NFKB1: variants seen among roughly 807,000 people sequenced by gnomAD.
NFKB1 encodes the protein nuclear factor kappa B subunit 1, also known as nuclear factor NF-kappa-B p105 subunit.
Under a neutral mutation model 105.1 loss-of-function variants are expected in NFKB1, and 9 were observed. The observed-to-expected ratio is 0.09, with a 90% CI of 0.05 to 0.15. The LOEUF (loss-of-function observed/expected upper bound fraction) is 0.15. Ranked by LOEUF, NFKB1 falls within the 10% of genes least tolerant of loss-of-function variation. The pLI is 1.00. For missense variants in NFKB1, 830 were observed against 1,203.7 expected (o/e 0.69, Z 4.59); for synonymous variants, 440 against 442.2 (o/e 1.00, Z 0.06).
intron 1 of NFKB1, among the ~76,000 whole-genome samples, chr4:102,507,017 A>G (rs900984847): frequency 6.8e-6 from 1 of 147,456 alleles, no homozygotes; most frequent in Admixed American, 6.8e-5. Flanking sequence ...GTATAAATAC[A>G]TATTTGTAAC....
chr4:102,593,315 A>G (rs1726323143), intron 11 of NFKB1, 110 bp from the exon 12 acceptor site: 9 of 1,023,548 alleles, frequency 8.8e-6, no homozygotes, highest in East Asian at 2.4e-5. Context: ...AGTGCTTTCT[A>G]TTTCCCTTTA....
rs1300018990 is a variant in NFKB1 at position 102,543,266 on chromosome 4, T to TAG, written c.258+5313_258+5314dup. 2.0e-5 allele frequency among the ~76,000 whole-genome samples: 3 copies of TAG among 152,264 alleles called. No homozygotes were observed. The East Asian group carries it at 5.8e-4, about 29-fold the overall frequency. On this transcript the variant is annotated intron_variant, in intron 5 of 23. Transcript: ENST00000226574. Reference sequence around the variant, plus strand: ...TCAGAAACTCTCACCAATCCTCCTCTAGAGTGACCAGAAAGTACCCCTTCC... The same window carrying TAG: ...TCAGAAACTCTCACCAATCCTCCTCTAGAGAGTGACCAGAAAGTACCCCTTCC...
At chr4:102,517,463 T>TA (rs1216503842) in intron 1 of NFKB1, among the ~76,000 whole-genome samples, 1 of 152,048 alleles carries the variant, frequency 6.6e-6, no homozygotes, top group Non-Finnish European at 1.5e-5. Flanking sequence ...CAGTATTACT[T>TA]AAAAAACAAA....
chr4:102,512,499 C>T (rs1385786610), intron 1 of NFKB1, among the ~76,000 whole-genome samples: 1 of 152,286 alleles, frequency 6.6e-6, no homozygotes, highest in East Asian at 1.9e-4. Flanking sequence ...CAGGCATGCA[C>T]CACCACACCT....
chr4:102,616,285 C>A, intron 23 of NFKB1, 149 bp from the exon 24 acceptor site: 1 of 774,128 alleles, frequency 1.3e-6, no homozygotes, highest in Non-Finnish European at 2.1e-6. Context: ...CTGCCCTTCC[C>A]ACCACGGTGA....
At chr4:102,580,241 T>G (rs1725214509) in intron 8 of NFKB1, among the ~76,000 whole-genome samples, 1 of 152,194 alleles carries the variant, frequency 6.6e-6, no homozygotes, top group Non-Finnish European at 1.5e-5. Context: ...GCTTGGTACT[T>G]CCCAATACAT....
rs4648146 is a variant in NFKB1, at chr4:102,616,980, AT to A, written c.*390del. 6.5e-6 allele frequency: 1 copy of A among 154,020 alleles called. No homozygotes were observed. Among genetic ancestry groups the A allele is most frequent in the Admixed American group, 6.7e-5 (1 of 14,996 alleles). 9.5% of individuals were successfully genotyped at this position (154,020 alleles called of 1,614,324 possible). On this transcript the variant is annotated 3_prime_UTR_variant, in exon 24 of 24. Transcript: ENST00000226574. ...TGGCATTCCTTCTGACCACAGCATC[AT>A]TTTGCATTCAAATTAAGGGTTAAGA...
Position 102,607,767 on chromosome 4 carries a change from G to A in NFKB1, c.2227+16G>A, listed in dbSNP as rs1413649548. On this transcript the variant is annotated intron_variant, in intron 19 of 23. Coordinates refer to ENST00000226574, the MANE Select transcript of NFKB1 (RefSeq NM_003998.4). ...AAAGCAGCAGGTAAGATGGTGATCT[G>A]GCGGTCATTAATGAAAAATGTTACC... The A allele has an allele frequency of 3.7e-6, 6 of 1,610,516 alleles. No individual in the cohort carries two copies. Among genetic ancestry groups the A allele is most frequent in the Non-Finnish European group, 5.1e-6 (6 of 1,176,740 alleles).
chr4:102,587,750 A>G (rs745575168), intron 11 of NFKB1, among the ~76,000 whole-genome samples: 90 of 152,194 alleles, frequency 5.9e-4, no homozygotes, highest in Admixed American at 3.6e-3. Flanking sequence ...GACAACATAT[A>G]TATATATGAG....
chr4:102,602,029 A>T (rs1044866595), intron 16 of NFKB1, among the ~76,000 whole-genome samples: 1 of 152,104 alleles, frequency 6.6e-6, no homozygotes, highest in Non-Finnish European at 1.5e-5. Context: ...TCTCACTCCA[A>T]AACTATGGCC....
At chr4:102,590,315 C>T (rs1247675495) in intron 11 of NFKB1, among the ~76,000 whole-genome samples, 1 of 152,208 alleles carries the variant, frequency 6.6e-6, no homozygotes, top group Admixed American at 6.5e-5. Context: ...GTTCATTCTC[C>T]GGGTGCTCCG....
intron 1 of NFKB1, among the ~76,000 whole-genome samples, chr4:102,516,779 T>G (rs928728545): frequency 3.9e-5 from 6 of 152,210 alleles, no homozygotes; most frequent in African/African-American, 1.4e-4. Flanking sequence ...AGTTTGGGTT[T>G]TTTGTCTTCC....
At chr4:102,572,287 G>A (rs1208329525) in intron 6 of NFKB1, among the ~76,000 whole-genome samples, 1 of 144,496 alleles carries the variant, frequency 6.9e-6, no homozygotes, top group Admixed American at 7.1e-5. Flanking sequence ...TGAACAATGA[G>A]AACACTTGGA....
intron 17 of NFKB1, 151 bp from the exon 18 acceptor site, chr4:102,606,999 G>C: frequency 1.2e-6 from 1 of 819,048 alleles, no homozygotes; most frequent in Non-Finnish European, 2.1e-6. Context: ...CATAATAGGA[G>C]ACTGTGGGTC....
chr4:102,597,736 A>G (rs1726755656), intron 15 of NFKB1, 75 bp downstream of exon 15: 1 of 1,460,102 alleles, frequency 6.8e-7, no homozygotes, highest in African/African-American at 1.4e-5. Flanking sequence ...CATACTGACT[A>G]GAGATAAAAA....
At chr4:102,608,438 T>C (rs181940238) in intron 19 of NFKB1, among the ~76,000 whole-genome samples, 4 of 152,344 alleles carry the variant, frequency 2.6e-5, no homozygotes, top group Admixed American at 2.6e-4. Context: ...TTCGGCAGTG[T>C]GAACTTCAAG....
intron 6 of NFKB1, among the ~76,000 whole-genome samples, chr4:102,571,955 G>A (rs1434160752): frequency 6.6e-6 from 1 of 152,132 alleles, no homozygotes; most frequent in Non-Finnish European, 1.5e-5. Flanking sequence ...AACTAGAAAT[G>A]CCATTTGACC....
chr4:102,606,689 A>G lies in NFKB1; in HGVS notation c.1946A>G (p.Asn649Ser), dbSNP rs1175205869. The change falls in exon 17 of 24, where the codon AAC becomes AGC. Residue 649 changes from asparagine to serine, a missense_variant. By Grantham distance (46) the Asn-to-Ser change is conservative. This residue lies in a region of NFKB1 where 418 missense variants were observed against 575.3 expected (regional missense o/e 0.73). Transcript: ENST00000226574. ...GCAGCACTACTTCTTGACCACCCCA[A>G]CGGGGACGGTAAGAGACAATCACAC... ...KKAALLLDHPNGDGLNAIHLA... is the reference protein window; with the variant it reads ...KKAALLLDHPSGDGLNAIHLA... The G allele has an allele frequency of 9.9e-6, 16 of 1,613,622 alleles. No individual in the cohort carries two copies. In the Admixed American group the frequency reaches 1.3e-4, roughly 13 times the overall value.
rs541177505 is a variant in NFKB1 at position 102,555,486 on chromosome 4, C to T, written c.259-11501C>T. Among the ~76,000 whole-genome samples, 96 of 152,264 alleles carry T rather than the reference C, an allele frequency of 6.3e-4. 1 individual carries two copies. Among genetic ancestry groups the T allele is most frequent in the African/African-American group, 2.1e-3 (88 of 41,564 alleles). On this transcript the variant is annotated intron_variant, in intron 5 of 23. Transcript: ENST00000226574. ...GAATCACCAGCATAACCAGCACCTG[C>T]GGCTGCCATGTGGGAATTGTTGAAC...
Sources: allele counts gnomAD v4.1 joint callset (sites outside exome capture counted in the v4.1 genomes callset), GRCh38; gene constraint gnomAD v4.1.1; regional missense constraint gnomAD v4.1.1; transcripts MANE v1.5; gene names NCBI Gene and HGNC (gene_info 2026-07-23, HGNC 2026-07-21).